Variants in EIF4E3 observed in about 807,000 individuals in gnomAD.
EIF4E3 encodes the protein eukaryotic translation initiation factor 4E family member 3.
A neutral mutation model predicts 31.7 loss-of-function variants in EIF4E3; 26 were observed. The observed-to-expected ratio is 0.82, with a 90% CI of 0.60 to 1.14. EIF4E3 has a LOEUF of 1.14. EIF4E3 is among the 50% of genes most tolerant of loss of function. The pLI is 0.00. For missense variants in EIF4E3, 304 were observed against 270.9 expected, an observed-to-expected ratio of 1.12 and a Z score of -0.86; for synonymous variants, 128 against 107.7, an observed-to-expected ratio of 1.19 and a Z score of -1.17.
intron 3 of EIF4E3, among the ~76,000 whole-genome samples, chr3:71,697,018 C>T (rs2049148313): frequency 6.9e-6 from 1 of 145,862 alleles, no homozygotes; most frequent in Non-Finnish European, 1.5e-5. Context: ...GCACCCGGCC[C>T]CTGAATTTTT....
intron 1 of EIF4E3, among the ~76,000 whole-genome samples, chr3:71,717,464 G>A (rs9865718): frequency 0.096 from 14,617 of 152,192 alleles, 1,181 homozygotes; most frequent in African/African-American, 0.22. Context: ...TTAAATATGG[G>A]TTTTCAGGCA....
At position 71,675,838 on chromosome 3, in the gene EIF4E3, A is replaced by G. The variant is rs546250637; in HGVS notation, c.*8844T>C. The G allele has an allele frequency of 2.1e-4, 32 of 152,326 alleles. No homozygotes were observed. Among genetic ancestry groups the G allele is most frequent in the Non-Finnish European group, 3.5e-4 (24 of 68,040 alleles). The allele number at this position is 152,326 out of a possible 1,614,324, so 9.4% of individuals were successfully genotyped here. ...CTTCAACTTCCACCAAGGCAGCCTC[A>G]CTGAAGAACAGGCTGGAGCCACAGT... is the stretch of plus-strand genomic sequence containing the variant. On this transcript the variant is annotated 3_prime_UTR_variant, in exon 7 of 7. Coordinates refer to ENST00000425534, the MANE Select transcript of EIF4E3 (RefSeq NM_001134651.2).
intron 1 of EIF4E3, among the ~76,000 whole-genome samples, chr3:71,720,754 AG>A (rs1352357447): frequency 6.6e-6 from 1 of 152,170 alleles, no homozygotes; most frequent in Non-Finnish European, 1.5e-5. Flanking sequence ...ATGCCTGGAA[AG>A]GGGCAGAGCT....
intron 1 of EIF4E3, among the ~76,000 whole-genome samples, chr3:71,749,209 G>A (rs1435218187): frequency 1.3e-5 from 2 of 152,202 alleles, no homozygotes; most frequent in Admixed American, 1.3e-4. Context: ...CAAGAGACTT[G>A]CCCAATGAGC....
At position 71,724,226 on chromosome 3, in the gene EIF4E3, T is replaced by G. The variant is rs549962615; in HGVS notation, c.176+966A>C. On this transcript the variant is annotated intron_variant, in intron 1 of 6. Coordinates refer to ENST00000425534, the MANE Select transcript of EIF4E3 (RefSeq NM_001134651.2). ...CAGACACTAAGAAGGGGCTTTGCAT[T>G]CATCCATCTATTCATTCATAACAAT... Among the ~76,000 whole-genome samples, 5 of 152,324 alleles carry G rather than the reference T, an allele frequency of 3.3e-5. No homozygotes were observed. The South Asian group carries it at 1.0e-3, about 32-fold the overall frequency.
intron 6 of EIF4E3, among the ~76,000 whole-genome samples, chr3:71,685,236 T>G (rs1274922155): frequency 1.3e-5 from 2 of 152,136 alleles, no homozygotes; most frequent in Non-Finnish European, 2.9e-5. Flanking sequence ...ACACTCTCCA[T>G]GGGAAATGAA....
upstream of EIF4E3, chr3:71,753,626 C>CCGGCGGAGGGGAGGGGGCTCCGCGG (rs2049959800): frequency 6.8e-6 from 1 of 146,836 alleles, no homozygotes; most frequent in Non-Finnish European, 1.5e-5. Flanking sequence ...GCTGCGCGCT[C>CCGGCGGAGGGGAGGGGGCTCCGCGG]CGGCGGAGGG....
At chr3:71,743,845 G>A (rs1230674949) in intron 1 of EIF4E3, among the ~76,000 whole-genome samples, 9 of 152,072 alleles carry the variant, frequency 5.9e-5, no homozygotes, top group Non-Finnish European at 2.9e-5. Flanking sequence ...GGTGCAGTAA[G>A]TTTTTCAACA....
At chr3:71,716,574 A>G (rs546671923) in intron 1 of EIF4E3, among the ~76,000 whole-genome samples, 4 of 152,280 alleles carry the variant, frequency 2.6e-5, no homozygotes, top group South Asian at 2.1e-4. Context: ...TGGGCCCCCA[A>G]TAATTGAAAA....
chr3:71,750,784 G>T (rs1397483774), intron 1 of EIF4E3, among the ~76,000 whole-genome samples: 2 of 144,852 alleles, frequency 1.4e-5, no homozygotes, highest in African/African-American at 2.5e-5. Flanking sequence ...TTTTTTTTGA[G>T]ACGGAGTCTC....
intron 1 of EIF4E3, among the ~76,000 whole-genome samples, chr3:71,736,015 G>A (rs2108142887): frequency 6.6e-6 from 1 of 152,272 alleles, no homozygotes; most frequent in South Asian, 2.1e-4. Flanking sequence ...CAAACATCTT[G>A]CTGATGATAT....
chr3:71,686,049 C>T (rs1559587862), intron 6 of EIF4E3, among the ~76,000 whole-genome samples: 1 of 152,116 alleles, frequency 6.6e-6, no homozygotes, highest in Non-Finnish European at 1.5e-5. Flanking sequence ...TAGCATCATG[C>T]TACTCGGCTC....
Position 71,683,009 on chromosome 3 carries a change from G to A in EIF4E3, c.*1673C>T, listed in dbSNP as rs1414103374. On this transcript the variant is annotated 3_prime_UTR_variant, in exon 7 of 7. Coordinates refer to ENST00000425534, the MANE Select transcript of EIF4E3 (RefSeq NM_001134651.2). ...AAGTTGAATGTTAGTACAATGTTTG[G>A]AGAAACAAGTCCTAGGCTTTTGCTA... is the stretch of plus-strand genomic sequence containing the variant. The A allele has an allele frequency of 6.6e-6, 1 of 151,872 alleles. No homozygotes were observed. 9.4% of individuals were successfully genotyped at this position (151,872 alleles called of 1,614,324 possible).
the EIF4E3 span, among the ~76,000 whole-genome samples, chr3:71,665,979 T>C: frequency 2.0e-5 from 3 of 152,168 alleles, no homozygotes; most frequent in Non-Finnish European, 4.4e-5. Flanking sequence ...TAGCACTAAA[T>C]GCCCACAGGA....
At chr3:71,704,430 G>A (rs80212889) in intron 2 of EIF4E3, among the ~76,000 whole-genome samples, 4,422 of 152,318 alleles carry the variant, frequency 0.029, 92 homozygotes, top group African/African-American at 0.056. Context: ...GCAACATGGC[G>A]GTCAGGTCTG....
intron 1 of EIF4E3, among the ~76,000 whole-genome samples, chr3:71,731,113 C>T (rs1024421771): frequency 6.6e-6 from 1 of 152,208 alleles, no homozygotes; most frequent in African/African-American, 2.4e-5. Context: ...CTGCAACAGC[C>T]TCCTAACGGG....
upstream of EIF4E3, chr3:71,725,438 C>CCCCCGCCCCG (rs539914293): frequency 2.9e-4 from 231 of 795,856 alleles, 3 homozygotes; most frequent in East Asian, 2.3e-3. The surrounding 1 kb of genome is among the most constrained non-coding windows in gnomAD (Gnocchi z 6.1). Flanking sequence ...TCACCCCCGG[C>CCCCCGCCCCG]CCCCGCCCCG....
intron 1 of EIF4E3, among the ~76,000 whole-genome samples, chr3:71,746,455 A>C (rs2049873699): frequency 6.6e-6 from 1 of 152,194 alleles, no homozygotes; most frequent in Non-Finnish European, 1.5e-5. Context: ...AGGCCCACCA[A>C]AGGGGGCAAT....
intron 3 of EIF4E3, 129 bp from the exon 4 acceptor site, chr3:71,696,649 T>C (rs2049141252): frequency 9.4e-7 from 1 of 1,066,132 alleles, no homozygotes; most frequent in South Asian, 1.6e-5. Context: ...TTGGGCATTT[T>C]TCTTATTTTT....
Sources: allele counts gnomAD v4.1 joint callset (sites outside exome capture counted in the v4.1 genomes callset), GRCh38; gene constraint gnomAD v4.1.1; non-coding constraint Gnocchi (gnomAD v3.1); transcripts MANE v1.5; gene names NCBI Gene and HGNC (gene_info 2026-07-23, HGNC 2026-07-21).